Variants in DTNB observed in about 807,000 individuals in gnomAD.
DTNB encodes DTN-B.
A neutral mutation model predicts 90.7 loss-of-function variants in DTNB; 63 were observed. That is an observed-to-expected ratio of 0.69 (90% CI 0.57 to 0.86). The LOEUF (loss-of-function observed/expected upper bound fraction) is 0.86, where lower values mean the gene tolerates loss of function less well. DTNB is among the 40% of genes least tolerant of loss of function. The pLI is 0.00. For missense variants in DTNB, 744 were observed against 807.1 expected (o/e 0.92, Z 0.95); for synonymous variants, 277 against 286.7 (o/e 0.97, Z 0.34).
At position 25,549,880 on chromosome 2, in the gene DTNB, C is replaced by T. The variant is rs149745232; in HGVS notation, c.877-18283G>A. The stretch of plus-strand genomic sequence containing the variant: ...TTCACCACATTGCCCAGGCTGGTTG[C>T]GAACTCCTGAGCTCAAGTGATCCTC... On this transcript the variant is annotated intron_variant, in intron 8 of 20. Transcript: ENST00000406818. Among the ~76,000 whole-genome samples the T allele has an allele frequency of 9.8e-4, 149 of 151,986 alleles. 3 individuals carry two copies. In the East Asian group the frequency reaches 0.026, roughly 27 times the overall value.
chr2:25,474,181 A>G (rs1297495763), intron 10 of DTNB, among the ~76,000 whole-genome samples: 1 of 152,136 alleles, frequency 6.6e-6, no homozygotes, highest in African/African-American at 2.4e-5. Flanking sequence ...AGCAGCTGAA[A>G]ACTGGCGGTC....
At chr2:25,504,950 T>G (rs2072002156) in intron 9 of DTNB, among the ~76,000 whole-genome samples, 1 of 152,212 alleles carries the variant, frequency 6.6e-6, no homozygotes, top group Non-Finnish European at 1.5e-5. Flanking sequence ...CTTTCCAATT[T>G]CAAACTTACT....
chr2:25,382,191 A>C (rs1192129096), intron 19 of DTNB, among the ~76,000 whole-genome samples: 2 of 151,026 alleles, frequency 1.3e-5, no homozygotes, highest in Middle Eastern at 3.2e-3. Context: ...CCCTACCTTC[A>C]CCTCCTTGGG....
At position 25,571,136 on chromosome 2, in the gene DTNB, G is replaced by A. The variant is rs116736793; in HGVS notation, c.876+5702C>T. ...TCTTAGACTTTTCCTTGACTCCTCC[G>A]CTCTCACAAGCCACATCCAACCCAT... On this transcript the variant is annotated intron_variant, in intron 8 of 20. Transcript: ENST00000406818. 3.0e-4 allele frequency among the ~76,000 whole-genome samples: 45 copies of A among 152,128 alleles called. 1 individual carries two copies. Among genetic ancestry groups the A allele is most frequent in the African/African-American group, 1.1e-3 (44 of 41,492 alleles).
intron 8 of DTNB, among the ~76,000 whole-genome samples, chr2:25,554,928 G>A (rs1047996058): frequency 6.6e-6 from 1 of 152,180 alleles, no homozygotes; most frequent in Non-Finnish European, 1.5e-5. Flanking sequence ...GGTTATCTCT[G>A]AGGAAGGAGG....
At chr2:25,632,208 A>AG (rs2075922004) in intron 3 of DTNB, among the ~76,000 whole-genome samples, 1 of 151,608 alleles carries the variant, frequency 6.6e-6, no homozygotes, top group Non-Finnish European at 1.5e-5. Context: ...AAAAAAAAAA[A>AG]AAAAAGAAAT....
At chr2:25,535,722 G>C (rs62130085) in intron 8 of DTNB, among the ~76,000 whole-genome samples, 41,203 of 140,642 alleles carry the variant, frequency 0.29, 6,754 homozygotes, top group Middle Eastern at 0.42. Flanking sequence ...CTTCCTAGAC[G>C]GGGTGGCTGC....
At chr2:25,649,207 A>G (rs1225366674) in intron 2 of DTNB, among the ~76,000 whole-genome samples, 1 of 151,850 alleles carries the variant, frequency 6.6e-6, no homozygotes, top group Non-Finnish European at 1.5e-5. Context: ...GGGTTTCACC[A>G]TGTTAGCCAG....
chr2:25,631,502 G>T (rs187041185), intron 3 of DTNB, among the ~76,000 whole-genome samples: 1 of 151,522 alleles, frequency 6.6e-6, no homozygotes, highest in East Asian at 1.9e-4. Flanking sequence ...AAGCCCAGGA[G>T]TTGAAGGCTG....
rs1014787292 is a variant in DTNB, at chr2:25,455,490, G to T, written c.1084C>A (p.Gln362Lys). The T allele has an allele frequency of 5.0e-6, 8 of 1,604,146 alleles. No homozygotes were observed. Among genetic ancestry groups the T allele is most frequent in the Non-Finnish European group, 6.8e-6 (8 of 1,175,514 alleles). ...TGACTGGGTATATCCTGGCTATACT[G>T]TAACCTAGGAACAATGGAGGCAAAG... ...SGVPTPTKRLQYSQDIPSHLA... is the reference protein window; with the variant it reads ...SGVPTPTKRLKYSQDIPSHLA... Residue 362 changes from glutamine to lysine, a missense_variant, in exon 11 of 21, where the codon CAG becomes AAG. Coordinates refer to ENST00000406818, the MANE Select transcript of DTNB (RefSeq NM_021907.5).
intron 3 of DTNB, among the ~76,000 whole-genome samples, chr2:25,634,306 G>A (rs1376317771): frequency 1.6e-5 from 2 of 126,608 alleles, no homozygotes; most frequent in African/African-American, 2.9e-5. Flanking sequence ...CCCCCCGCCC[G>A]GCCAGCCGCC....
intron 16 of DTNB, among the ~76,000 whole-genome samples, chr2:25,392,853 G>A (rs1376141819): frequency 6.6e-5 from 10 of 152,118 alleles, no homozygotes; most frequent in African/African-American, 1.7e-4. Context: ...TGACACTATT[G>A]CAAAAGATAG....
At chr2:25,465,416 T>C (rs1287521125) in intron 10 of DTNB, among the ~76,000 whole-genome samples, 6 of 151,722 alleles carry the variant, frequency 4.0e-5, no homozygotes, top group African/African-American at 9.7e-5. Context: ...GGAAGGGGTA[T>C]GTATATGGGA....
chr2:25,439,012 G>A (rs919100250), intron 12 of DTNB, among the ~76,000 whole-genome samples: 1 of 152,194 alleles, frequency 6.6e-6, no homozygotes, highest in Non-Finnish European at 1.5e-5. Flanking sequence ...AACAAGGAAA[G>A]TCAGAGAAAC....
intron 15 of DTNB, among the ~76,000 whole-genome samples, chr2:25,422,371 TG>T (rs2050003362): frequency 6.6e-6 from 1 of 150,660 alleles, no homozygotes; most frequent in Non-Finnish European, 1.5e-5. Flanking sequence ...ATCTGGTAAA[TG>T]TAAATGAGTT....
chr2:25,405,315 C>A (rs1248711262), intron 16 of DTNB, among the ~76,000 whole-genome samples: 1 of 152,056 alleles, frequency 6.6e-6, no homozygotes, highest in Non-Finnish European at 1.5e-5. Context: ...CTGAGGCGGG[C>A]AGATCACTTG....
intron 9 of DTNB, among the ~76,000 whole-genome samples, chr2:25,514,738 G>A (rs1041278857): frequency 7.0e-6 from 1 of 142,976 alleles, no homozygotes; most frequent in Non-Finnish European, 1.5e-5. Context: ...ACCCACGCTG[G>A]AGTGCAGTGG....
At chr2:25,513,773 C>T (rs551369384) in intron 9 of DTNB, among the ~76,000 whole-genome samples, 5 of 146,488 alleles carry the variant, frequency 3.4e-5, no homozygotes, top group Middle Eastern at 3.5e-3. Flanking sequence ...AAAAACCCCA[C>T]AAGAAATAAA....
At chr2:25,496,555 A>G (rs2068883536) in intron 9 of DTNB, among the ~76,000 whole-genome samples, 1 of 152,196 alleles carries the variant, frequency 6.6e-6, no homozygotes, top group Non-Finnish European at 1.5e-5. Flanking sequence ...AAGAAGAGAT[A>G]TAGTGGGGCT....
Sources: gnomAD v4.1 joint callset for allele counts (sites outside exome capture counted in the v4.1 genomes callset) on GRCh38, gnomAD v4.1.1 for gene constraint, MANE v1.5 for transcripts, NCBI Gene and HGNC (gene_info 2026-07-23, HGNC 2026-07-21) for gene names.